DAZAP1: variants seen among roughly 807,000 people sequenced by gnomAD.
DAZAP1 encodes DAZ-associated protein 1.
In DAZAP1, 6 loss-of-function variants were observed where a neutral mutation model predicts 60.1. The observed-to-expected ratio is 0.10, with a 90% confidence interval of 0.05 to 0.20. The LOEUF (loss-of-function observed/expected upper bound fraction) is 0.20, where lower values mean the gene tolerates loss of function less well. DAZAP1 is among the 10% of genes least tolerant of loss of function. The pLI is 1.00. For synonymous variants in DAZAP1, 235 were observed against 215.9 expected (o/e 1.09, Z -0.78); for missense variants, 366 against 560.4 (o/e 0.65, Z 3.50).
chr19:1,415,265 T>G (rs1425271079), intron 1 of DAZAP1, among the ~76,000 whole-genome samples: 1 of 151,926 alleles, frequency 6.6e-6, no homozygotes, highest in Non-Finnish European at 1.5e-5. Context: ...GACACCTGCC[T>G]GTTACCTGGC....
rs2083519174 is a variant in DAZAP1 at position 1,433,767 on chromosome 19, G to A, written c.1049-970G>A. The A allele has an allele frequency of 7.4e-6, 12 of 1,613,994 alleles. No individual in the cohort carries two copies. The highest frequency in any genetic ancestry group is 9.3e-6 in the Non-Finnish European group (11 of 1,179,918). On this transcript the variant is annotated intron_variant, in intron 11 of 11. Coordinates refer to ENST00000233078, the MANE Select transcript of DAZAP1 (RefSeq NM_018959.4). The surrounding 1 kb of genome is among the most constrained non-coding windows in gnomAD (Gnocchi z 6.1). ...TGGGTTCCTATTCTCCAGCCCCGCC[G>A]GGCTGCGGCCCACACTTTGTTTACA...
Position 1,418,792 on chromosome 19 carries a change from C to A in DAZAP1, c.303+61C>A. 6.7e-7 allele frequency: 1 copy of A among 1,493,710 alleles called. No homozygotes were observed. The highest frequency in any genetic ancestry group is 9.1e-7 in the Non-Finnish European group (1 of 1,104,916). 92.5% of individuals were successfully genotyped at this position (1,493,710 alleles called of 1,614,324 possible). A position where few individuals can be genotyped will look rare whatever the true frequency, so the allele number is the denominator to read the frequency against. On this transcript the variant is annotated intron_variant, in intron 4 of 11. Coordinates refer to ENST00000233078, the MANE Select transcript of DAZAP1 (RefSeq NM_018959.4). The surrounding 1 kb of genome is among the most constrained non-coding windows in gnomAD (Gnocchi z 5.7). ...CTCCACTCCACGTGGAAAGGAAATG[C>A]GTGCCTTCAATCTGCTGTTGTCGCT...
Position 1,432,769 on chromosome 19 carries a change from C to G in DAZAP1, c.1048+79C>G. ...GGCCTGCCTTCTTCTGCTTCCTCCC[C>G]TGCTGGACGCTCCCCAGCCTTTACC... is the stretch of plus-strand genomic sequence containing the variant. On this transcript the variant is annotated intron_variant, in intron 11 of 11. Coordinates refer to ENST00000233078, the MANE Select transcript of DAZAP1 (RefSeq NM_018959.4). The surrounding 1 kb of genome is among the most constrained non-coding windows in gnomAD (Gnocchi z 4.9). The G allele has an allele frequency of 2.1e-6, 3 of 1,446,176 alleles. No individual in the cohort carries two copies. The highest frequency in any genetic ancestry group is 2.8e-6 in the Non-Finnish European group (3 of 1,067,206). 89.6% of individuals were successfully genotyped at this position (1,446,176 alleles called of 1,614,324 possible). A position where few individuals can be genotyped will look rare whatever the true frequency, so the allele number is the denominator to read the frequency against.
At chr19:1,408,675 A>G (rs2082736428) in intron 1 of DAZAP1, among the ~76,000 whole-genome samples, 1 of 152,266 alleles carries the variant, frequency 6.6e-6, no homozygotes, top group East Asian at 1.9e-4. Flanking sequence ...AGGGAGAGTC[A>G]GCGCTTCCGA....
chr19:1,415,394 G>GTGTGTGTGTT (rs1569048405), intron 1 of DAZAP1, among the ~76,000 whole-genome samples: 2 of 69,838 alleles, frequency 2.9e-5, no homozygotes, highest in African/African-American at 9.4e-5. Flanking sequence ...TGTGTGTTTT[G>GTGTGTGTGTT]TTTTTTTTTT....
intron 1 of DAZAP1, among the ~76,000 whole-genome samples, chr19:1,410,704 G>C (rs1427111730): frequency 6.6e-6 from 1 of 152,250 alleles, no homozygotes; most frequent in Non-Finnish European, 1.5e-5. Flanking sequence ...ACTGGGGAGA[G>C]GACAGAGGCT....
chr19:1,425,199 C>T lies in DAZAP1; in HGVS notation c.464-679C>T, dbSNP rs1308069747. On this transcript the variant is annotated intron_variant, in intron 6 of 11. Transcript: ENST00000233078. The surrounding 1 kb of genome is among the most constrained non-coding windows in gnomAD (Gnocchi z 5.4). ...ATAGATGTCTACGATATGACCTCTT[C>T]TAGGACTCCTTGGGCTTACCCAACG... Among the ~76,000 whole-genome samples, 1 of 152,226 alleles carries T rather than the reference C, an allele frequency of 6.6e-6. No homozygotes were observed. Among genetic ancestry groups the T allele is most frequent in the Non-Finnish European group, 1.5e-5 (1 of 68,036 alleles).
At chr19:1,424,911 C>T (rs2083269320) in intron 6 of DAZAP1, among the ~76,000 whole-genome samples, 1 of 152,202 alleles carries the variant, frequency 6.6e-6, no homozygotes, top group Admixed American at 6.5e-5. Flanking sequence ...GCCGGGGAGG[C>T]CTGGAGAGCC....
At chr19:1,407,983 C>T (rs2082712891) in intron 1 of DAZAP1, among the ~76,000 whole-genome samples, 181 bp downstream of exon 1, 2 of 151,266 alleles carry the variant, frequency 1.3e-5, no homozygotes, top group African/African-American at 4.9e-5. Context: ...TGCCCGGGGT[C>T]TGGGGGGGTC....
Position 1,430,264 on chromosome 19 carries a change from C to T in DAZAP1, c.773C>T (p.Pro258Leu). 2.3e-6 allele frequency: 3 copies of T among 1,276,788 alleles called. No individual in the cohort carries two copies. Among genetic ancestry groups the T allele is most frequent in the Non-Finnish European group, 3.3e-6 (3 of 904,772 alleles). 79.1% of individuals were successfully genotyped at this position (1,276,788 alleles called of 1,614,324 possible). The change falls in exon 10 of 12, where the codon CCA becomes CTA. Residue 258 changes from proline (P) to leucine (L), a missense_variant. By Grantham distance (98) the Pro-to-Leu change is moderately conservative. This residue lies in a region of DAZAP1 where 240 missense variants were observed against 308.8 expected (regional missense o/e 0.78). Transcript: ENST00000233078. Reference protein sequence around the residue: ...PPPAGRGAPPPPPPFTSYIVS... With the variant: ...PPPAGRGAPPLPPPFTSYIVS... ...CCTGCAGGAAGAGGAGCCCCCCCGC[C>T]ACCCCCACCGTTCACCTCCTACATC...
Position 1,416,133 on chromosome 19 carries a change from G to A in DAZAP1, c.30-1367G>A, listed in dbSNP as rs1287433316. 6.6e-6 allele frequency: 1 copy of A among 152,230 alleles called. No homozygotes were observed. The highest frequency in any genetic ancestry group is 2.4e-5 in the African/African-American group (1 of 41,432). The allele number at this position is 152,230 out of a possible 1,614,324, so 9.4% of individuals were successfully genotyped here. ...GATGAGTGTGCCAGCCACCTTGCAG[G>A]GGTCTTTCCTGGCGAGCTGGCAGGA... is the stretch of plus-strand genomic sequence containing the variant. On this transcript the variant is annotated intron_variant, in intron 1 of 11. Transcript: ENST00000233078. This position sits in a 1 kb window ranked among gnomAD's most constrained non-coding sequence, Gnocchi z 4.3.
At chr19:1,424,315 C>A (rs2083246233) in intron 6 of DAZAP1, among the ~76,000 whole-genome samples, 1 of 145,720 alleles carries the variant, frequency 6.9e-6, no homozygotes, top group African/African-American at 2.5e-5. Context: ...CCCTCCTCCT[C>A]TTCCTCCTCC....
intron 1 of DAZAP1, 106 bp downstream of exon 1, chr19:1,407,908 C>T (rs1478290044): frequency 4.1e-6 from 4 of 971,258 alleles, no homozygotes; most frequent in Non-Finnish European, 5.0e-6. Flanking sequence ...GTCAAGGTCA[C>T]GCCGGCCGGG....
At chr19:1,424,453 C>T (rs2083255529) in intron 6 of DAZAP1, among the ~76,000 whole-genome samples, 1 of 150,698 alleles carries the variant, frequency 6.6e-6, no homozygotes, top group Non-Finnish European at 1.5e-5. Context: ...TCCTGAACCA[C>T]AGTGACCTTT....
At position 1,418,348 on chromosome 19, in the gene DAZAP1, C is replaced by T. The variant is rs748929332; in HGVS notation, c.215C>T (p.Pro72Leu). 5 of 1,613,858 alleles carry T rather than the reference C, an allele frequency of 3.1e-6. No individual in the cohort carries two copies. The Admixed American group carries it at 5.0e-5, about 16-fold the overall frequency. Residue 72 changes from proline (P) to leucine (L), a missense_variant, in exon 3 of 12, where the codon CCG (proline) becomes CTG (leucine). Pro to Leu is a moderately conservative substitution (Grantham distance 98). Around this residue, in one of 3 missense-constraint regions of DAZAP1, gnomAD observed 98 missense variants for 155.3 expected, o/e 0.63. Coordinates refer to ENST00000233078, the MANE Select transcript of DAZAP1 (RefSeq NM_018959.4). This position sits in a 1 kb window ranked among gnomAD's most constrained non-coding sequence, Gnocchi z 5.7. ...GTGGGGACGGTGCTGGCCAGCAGACCGCACACGCTAGATGGCCGAAACGTA... is the reference window on the plus strand; with the variant it reads ...GTGGGGACGGTGCTGGCCAGCAGACTGCACACGCTAGATGGCCGAAACGTA... ...NCVGTVLASR[P>L]HTLDGRNIDP...
chr19:1,410,989 G>T (rs935174464), intron 1 of DAZAP1, among the ~76,000 whole-genome samples: 1 of 152,234 alleles, frequency 6.6e-6, no homozygotes, highest in Non-Finnish European at 1.5e-5. Flanking sequence ...CAGGTCTCTG[G>T]GTTTATTGGG....
intron 1 of DAZAP1, among the ~76,000 whole-genome samples, chr19:1,408,303 G>A (rs1343059910): frequency 6.6e-6 from 1 of 151,810 alleles, no homozygotes; most frequent in Non-Finnish European, 1.5e-5. Context: ...TGGCCTGGGG[G>A]ACCCCGAATG....
chr19:1,414,578 C>T (rs1329771262), intron 1 of DAZAP1, among the ~76,000 whole-genome samples: 1 of 151,708 alleles, frequency 6.6e-6, no homozygotes, highest in Non-Finnish European at 1.5e-5. Context: ...AACCCCGTCT[C>T]TACTAAAAAT....
chr19:1,429,840 ACAGG>A, intron 8 of DAZAP1, 123 bp from the exon 9 acceptor site: 1 of 1,168,764 alleles, frequency 8.6e-7, no homozygotes, highest in Non-Finnish European at 1.2e-6. Flanking sequence ...CTCAGGACGA[ACAGG>A]CTCTAAGCAC....
Sources: allele counts gnomAD v4.1 joint callset (sites outside exome capture counted in the v4.1 genomes callset), GRCh38; gene constraint gnomAD v4.1.1; regional missense constraint gnomAD v4.1.1; non-coding constraint Gnocchi (gnomAD v3.1); transcripts MANE v1.5; gene names NCBI Gene and HGNC (gene_info 2026-07-23, HGNC 2026-07-21).